The following ADAMTSL1 variants were observed in gnomAD, a reference collection of about 807,000 sequenced individuals.
ADAMTSL1 encodes the protein ADAMTS like 1.
A neutral mutation model predicts 201.8 loss-of-function variants in ADAMTSL1; 126 were observed. The ratio of observed to expected loss-of-function variants is 0.62; its 90% confidence interval spans 0.54 to 0.72. The LOEUF is 0.72. Ranked by LOEUF, ADAMTSL1 falls within the 30% of genes least tolerant of loss-of-function variation. ADAMTSL1 has a pLI of 0.00. For synonymous variants in ADAMTSL1, 1,121 were observed against 903.4 expected (o/e 1.24, Z -4.32); for missense variants, 2,679 against 2,277.8 (o/e 1.18, Z -3.59).
intron 1 of ADAMTSL1, among the ~76,000 whole-genome samples, chr9:18,124,231 C>A (rs916879534): frequency 6.6e-6 from 1 of 151,562 alleles, no homozygotes; most frequent in Non-Finnish European, 1.5e-5. Context: ...TACAGGTGTG[C>A]ACCACCATGC....
intron 2 of ADAMTSL1, among the ~76,000 whole-genome samples, chr9:18,518,411 CT>C (rs1175026800): frequency 6.6e-6 from 1 of 151,834 alleles, no homozygotes; most frequent in Non-Finnish European, 1.5e-5. Flanking sequence ...ATTTGATTTT[CT>C]GCTTCTGAGT....
At chr9:18,158,571 C>T (rs942316281) in intron 1 of ADAMTSL1, among the ~76,000 whole-genome samples, 18 of 151,982 alleles carry the variant, frequency 1.2e-4, no homozygotes, top group African/African-American at 4.3e-4. Context: ...CCTTGTTTAT[C>T]ACAAGTGAAA....
At chr9:17,926,207 C>A (rs1268642631) in intron 1 of ADAMTSL1, among the ~76,000 whole-genome samples, 2 of 151,980 alleles carry the variant, frequency 1.3e-5, no homozygotes, top group Admixed American at 1.3e-4. Flanking sequence ...TCAGACATCA[C>A]CTGCAGAGAA....
In ADAMTSL1 at chr9:18,726,146, G is replaced by C. The variant is rs780628723; in HGVS notation, c.2006+4481G>C. 6.6e-5 allele frequency among the ~76,000 whole-genome samples: 10 copies of C among 152,048 alleles called. 1 individual carries two copies. The highest frequency in any genetic ancestry group is 2.9e-5 in the Non-Finnish European group (2 of 68,008). On this transcript the variant is annotated intron_variant, in intron 15 of 28. Coordinates refer to ENST00000380548, the MANE Select transcript of ADAMTSL1 (RefSeq NM_001040272.6). ...TAGTACTTCTAGTTTAAAAGAAAAC[G>C]TGATTTTTAAAAATTCAGGACTTAA...
At chr9:18,889,057 A>G (rs899119361) in intron 24 of ADAMTSL1, among the ~76,000 whole-genome samples, 2 of 152,192 alleles carry the variant, frequency 1.3e-5, no homozygotes, top group African/African-American at 4.8e-5. Context: ...TCTTACTGAC[A>G]TCATTGTCTC....
intron 1 of ADAMTSL1, among the ~76,000 whole-genome samples, chr9:17,932,234 A>G (rs1034547659): frequency 5.9e-5 from 9 of 152,160 alleles, no homozygotes; most frequent in African/African-American, 2.2e-4. Flanking sequence ...TTTAGCTGCC[A>G]CTGTTAATGA....
intron 15 of ADAMTSL1, among the ~76,000 whole-genome samples, chr9:18,722,286 G>A (rs1463216386): frequency 6.6e-6 from 1 of 152,048 alleles, no homozygotes; most frequent in Non-Finnish European, 1.5e-5. Context: ...CAATTTTATG[G>A]TGTCTTGAGA....
intron 2 of ADAMTSL1, among the ~76,000 whole-genome samples, chr9:18,209,489 C>T (rs1829785758): frequency 6.6e-6 from 1 of 152,106 alleles, no homozygotes; most frequent in South Asian, 2.1e-4. Context: ...CAAACCCTGC[C>T]TAAACTCTGT....
chr9:18,721,483 C>G, intron 14 of ADAMTSL1, 53 bp from the exon 15 acceptor site: 1 of 1,600,970 alleles, frequency 6.2e-7, no homozygotes, highest in Non-Finnish European at 8.5e-7. Flanking sequence ...TTCATCACCC[C>G]CCACACACAC....
intron 1 of ADAMTSL1, among the ~76,000 whole-genome samples, chr9:18,063,799 G>T (rs1030764891): frequency 6.6e-6 from 1 of 152,086 alleles, no homozygotes; most frequent in Non-Finnish European, 1.5e-5. Flanking sequence ...AAGTCTTTGG[G>T]CTGAGTGATT....
At chr9:18,806,179 C>T (rs556055965) in intron 20 of ADAMTSL1, among the ~76,000 whole-genome samples, 28 of 152,340 alleles carry the variant, frequency 1.8e-4, no homozygotes, top group Non-Finnish European at 2.9e-4. Flanking sequence ...CACTTACTAA[C>T]TGTTACAGAA....
At chr9:18,373,699 A>T (rs1837157792) in intron 2 of ADAMTSL1, among the ~76,000 whole-genome samples, 1 of 152,170 alleles carries the variant, frequency 6.6e-6, no homozygotes, top group Admixed American at 6.5e-5. Flanking sequence ...GAGTTTACTC[A>T]GCTGCACATT....
intron 13 of ADAMTSL1, among the ~76,000 whole-genome samples, chr9:18,703,304 A>G (rs1349816830): frequency 6.6e-6 from 1 of 152,146 alleles, no homozygotes; most frequent in African/African-American, 2.4e-5. Flanking sequence ...AGAAAACTCA[A>G]GATAGTAAAT....
chr9:18,403,700 T>C (rs1397469313), intron 2 of ADAMTSL1, among the ~76,000 whole-genome samples: 1 of 152,200 alleles, frequency 6.6e-6, no homozygotes, highest in Non-Finnish European at 1.5e-5. Flanking sequence ...AGGTACAATT[T>C]GTCTTTCCTC....
intron 7 of ADAMTSL1, among the ~76,000 whole-genome samples, chr9:18,654,512 A>G (rs1828499132): frequency 6.6e-6 from 1 of 152,250 alleles, no homozygotes; most frequent in African/African-American, 2.4e-5. Context: ...GATGATGCTG[A>G]AAAATGATGA....
Position 18,906,822 on chromosome 9 carries a change from C to T in ADAMTSL1, c.5092C>T (p.Arg1698Cys), listed in dbSNP as rs368998063. ...QSRRVECVHARTNKAVPEHLC... is the reference protein window; with the variant it reads ...QSRRVECVHACTNKAVPEHLC... ...CCGGCGTGTGGAGTGTGTGCATGCCCGCACCAACAAGGCAGTGCCTGAGCA... is the reference window on the plus strand; with the variant it reads ...CCGGCGTGTGGAGTGTGTGCATGCCTGCACCAACAAGGCAGTGCCTGAGCA... The change falls in exon 28 of 29, where the codon CGC becomes TGC. Residue 1698 changes from arginine (R) to cysteine (C), a missense_variant. Coordinates refer to ENST00000380548, the MANE Select transcript of ADAMTSL1 (RefSeq NM_001040272.6). The T allele has an allele frequency of 9.9e-6, 16 of 1,614,010 alleles. No homozygotes were observed. The highest frequency in any genetic ancestry group is 7.7e-5 in the South Asian group (7 of 91,092).
upstream of ADAMTSL1, among the ~76,000 whole-genome samples, chr9:18,473,401 T>A (rs1264854599): frequency 6.6e-6 from 1 of 152,176 alleles, no homozygotes; most frequent in Non-Finnish European, 1.5e-5. Context: ...GGGATCTAAG[T>A]TTCTAATTGT....
intron 4 of ADAMTSL1, 136 bp from the exon 5 acceptor site, chr9:18,622,107 A>C: frequency 8.9e-7 from 1 of 1,118,560 alleles, no homozygotes; most frequent in South Asian, 1.6e-5. Context: ...ATTCCAGTTG[A>C]ATTCAGTCCC....
intron 5 of ADAMTSL1, among the ~76,000 whole-genome samples, chr9:18,635,129 A>G (rs1268202696): frequency 6.6e-6 from 1 of 151,750 alleles, no homozygotes; most frequent in Non-Finnish European, 1.5e-5. Flanking sequence ...GGGAGTAAAT[A>G]GTATAATTTA....
Sources: allele counts gnomAD v4.1 joint callset (sites outside exome capture counted in the v4.1 genomes callset), GRCh38; gene constraint gnomAD v4.1.1; transcripts MANE v1.5; gene names NCBI Gene and HGNC (gene_info 2026-07-23, HGNC 2026-07-21).